FIGN: variants seen among roughly 807,000 people sequenced by gnomAD.
FIGN encodes fidgetin.
FIGN carries 11 observed loss-of-function variants against 51.3 expected under a neutral mutation model. The ratio of observed to expected loss-of-function variants is 0.21; its 90% CI spans 0.13 to 0.35. The LOEUF is 0.35. Ranked by LOEUF, FIGN falls within the 10% of genes least tolerant of loss-of-function variation. The pLI is 1.00. For synonymous variants in FIGN, 407 were observed against 363.2 expected, an observed-to-expected ratio of 1.12 and a Z score of -1.37; for missense variants, 857 against 943.6, an observed-to-expected ratio of 0.91 and a Z score of 1.20.
chr2:163,620,863 G>GTGTGTGTGTT (rs1682957755), intron 2 of FIGN, among the ~76,000 whole-genome samples: 1 of 151,492 alleles, frequency 6.6e-6, no homozygotes, highest in South Asian at 2.1e-4. Context: ...GTGTGTGTGT[G>GTGTGTGTGTT]TGTGTGTGTG....
chr2:163,631,115 A>G (rs1301874947), intron 2 of FIGN, among the ~76,000 whole-genome samples: 1 of 152,196 alleles, frequency 6.6e-6, no homozygotes, highest in Non-Finnish European at 1.5e-5. Flanking sequence ...TCGAGTTAGG[A>G]AAAGGGTGAA....
At chr2:163,678,971 AATGAAAATTAAATTTATCTG>A (rs1378000426) in intron 2 of FIGN, among the ~76,000 whole-genome samples, 5 of 152,250 alleles carry the variant, frequency 3.3e-5, no homozygotes, top group African/African-American at 4.8e-5. Context: ...TTTTATCATT[AATGAAAATTAAATTTATCTG>A]GAGTAATTTA....
chr2:163,625,403 T>C (rs1200990239), intron 2 of FIGN, among the ~76,000 whole-genome samples: 1 of 152,044 alleles, frequency 6.6e-6, no homozygotes, highest in Admixed American at 6.6e-5. Context: ...GATATTGTTG[T>C]TAAAAATGTG....
chr2:163,694,602 A>G (rs1684287803), intron 2 of FIGN, among the ~76,000 whole-genome samples: 1 of 152,186 alleles, frequency 6.6e-6, no homozygotes, highest in South Asian at 2.1e-4. Context: ...CTCTTACTTT[A>G]CATATGAAGA....
At chr2:163,659,514 G>A (rs1162770452) in intron 2 of FIGN, among the ~76,000 whole-genome samples, 1 of 152,152 alleles carries the variant, frequency 6.6e-6, no homozygotes, top group African/African-American at 2.4e-5. Context: ...GCTTGGAAAT[G>A]TATCCAGATT....
chr2:163,734,341 G>GC (rs138093072), intron 2 of FIGN, among the ~76,000 whole-genome samples: 104 of 147,220 alleles, frequency 7.1e-4, no homozygotes, highest in Admixed American at 1.4e-3. Flanking sequence ...TCACTTACCC[G>GC]CCCCCCCCAA....
At chr2:163,692,218 A>G (rs1269788206) in intron 2 of FIGN, among the ~76,000 whole-genome samples, 1 of 152,192 alleles carries the variant, frequency 6.6e-6, no homozygotes, top group African/African-American at 2.4e-5. Flanking sequence ...AATATTATAC[A>G]TAGGAACATG....
In FIGN at chr2:163,730,746, G is replaced by T. The variant is rs146931598; in HGVS notation, c.25+4157C>A. 4.2e-3 allele frequency among the ~76,000 whole-genome samples: 645 copies of T among 152,264 alleles called. 8 individuals carry two copies. Among genetic ancestry groups the T allele is most frequent in the Non-Finnish European group, 4.9e-3 (333 of 68,002 alleles). On this transcript the variant is annotated intron_variant, in intron 2 of 2. Transcript: ENST00000333129. ...TATCAATGACTCAAGAAAAACAGCA[G>T]ATATGCTGATTAATCAAGTTCTATC...
intron 2 of FIGN, among the ~76,000 whole-genome samples, chr2:163,681,133 A>G (rs952359469): frequency 3.3e-5 from 5 of 152,108 alleles, no homozygotes; most frequent in Non-Finnish European, 7.4e-5. Flanking sequence ...ATCTAGGGCC[A>G]TTTTCTTAAG....
Position 163,624,708 on chromosome 2 carries a change from A to ATATATT in FIGN, c.26-12903_26-12902insAATATA, listed in dbSNP as rs564288395. On this transcript the variant is annotated intron_variant, in intron 2 of 2. Coordinates refer to ENST00000333129, the MANE Select transcript of FIGN (RefSeq NM_018086.4). ...TATACATACATATATATATATATATATTTTTTTTTTTCCTAGACAAGCTGT... is the reference window on the plus strand; with the variant it reads ...TATACATACATATATATATATATATATATATTTTTTTTTTTTTCCTAGACAAGCTGT... 2.8e-3 allele frequency among the ~76,000 whole-genome samples: 405 copies of ATATATT among 145,476 alleles called. 2 individuals carry two copies. The highest frequency in any genetic ancestry group is 9.9e-3 in the African/African-American group (389 of 39,396).
At chr2:163,614,159 T>TATTCCAG (rs1464524252) in intron 2 of FIGN, among the ~76,000 whole-genome samples, 1 of 152,110 alleles carries the variant, frequency 6.6e-6, no homozygotes, top group African/African-American at 2.4e-5. Flanking sequence ...AGAACTAAAG[T>TATTCCAG]GGTATTCTTA....
chr2:163,617,843 T>G (rs1172843748), intron 2 of FIGN, among the ~76,000 whole-genome samples: 1 of 152,216 alleles, frequency 6.6e-6, no homozygotes, highest in East Asian at 1.9e-4. Flanking sequence ...ATTACCTGAA[T>G]AATATTTTGT....
intron 2 of FIGN, among the ~76,000 whole-genome samples, chr2:163,669,015 A>AT: frequency 7.2e-6 from 1 of 138,542 alleles, no homozygotes; most frequent in East Asian, 2.0e-4. Context: ...GAAAAAAAGG[A>AT]ATATATATAT....
chr2:163,719,867 T>C (rs1045218047), intron 2 of FIGN, among the ~76,000 whole-genome samples: 2 of 152,220 alleles, frequency 1.3e-5, no homozygotes, highest in Non-Finnish European at 2.9e-5. Context: ...CAATTTATTT[T>C]TTAGTATAAA....
At chr2:163,701,226 A>G (rs1684403251) in intron 2 of FIGN, among the ~76,000 whole-genome samples, 1 of 152,156 alleles carries the variant, frequency 6.6e-6, no homozygotes, top group Admixed American at 6.5e-5. Context: ...GTCTTCTGTA[A>G]TATGTGAATT....
chr2:163,649,857 A>G (rs753464238), intron 2 of FIGN, among the ~76,000 whole-genome samples: 2 of 152,232 alleles, frequency 1.3e-5, no homozygotes, highest in African/African-American at 4.8e-5. Context: ...AGCATGGAAG[A>G]AAAACATTTA....
rs187377918 is a variant in FIGN at position 163,682,156 on chromosome 2, C to T, written c.25+52747G>A. Among the ~76,000 whole-genome samples the T allele has an allele frequency of 5.9e-5, 9 of 151,936 alleles. No individual in the cohort carries two copies. In the East Asian group the frequency reaches 1.7e-3, roughly 29 times the overall value. ...TTGTTAAAACAAACAAACAAACAAA[C>T]AAAACAAAACAAAACAGAGGTTAAA... On this transcript the variant is annotated intron_variant, in intron 2 of 2. Transcript: ENST00000333129.
chr2:163,681,178 T>C (rs1485309899), intron 2 of FIGN, among the ~76,000 whole-genome samples: 4 of 152,192 alleles, frequency 2.6e-5, no homozygotes, highest in Admixed American at 1.3e-4. Flanking sequence ...GGTCAATAAA[T>C]AGTTGTTGAA....
At chr2:163,667,338 C>T (rs201810654) in intron 2 of FIGN, among the ~76,000 whole-genome samples, 1 of 127,528 alleles carries the variant, frequency 7.8e-6, no homozygotes, top group Admixed American at 8.2e-5. Flanking sequence ...ACTATCCCCA[C>T]AAAAAAAAAA....
Sources: gnomAD v4.1 joint callset for allele counts (sites outside exome capture counted in the v4.1 genomes callset) on GRCh38, gnomAD v4.1.1 for gene constraint, MANE v1.5 for transcripts, NCBI Gene and HGNC (gene_info 2026-07-23, HGNC 2026-07-21) for gene names.